Variants in ATP11B observed in about 807,000 individuals in gnomAD.
The protein encoded by ATP11B is phospholipid-transporting ATPase IF.
ATP11B carries 81 observed loss-of-function variants against 157.8 expected under a neutral mutation model. The observed-to-expected ratio is 0.51, with a 90% CI of 0.43 to 0.62. The LOEUF (loss-of-function observed/expected upper bound fraction) is 0.62. Ranked by LOEUF, ATP11B falls within the 20% of genes least tolerant of loss-of-function variation. ATP11B has a pLI of 0.00. For missense variants in ATP11B, 1,165 were observed against 1,402.2 expected, an observed-to-expected ratio of 0.83 and a Z score of 2.70; for synonymous variants, 451 against 469.4, an observed-to-expected ratio of 0.96 and a Z score of 0.51.
chr3:182,883,082 C>A (rs1722537552), intron 21 of ATP11B, among the ~76,000 whole-genome samples: 1 of 151,994 alleles, frequency 6.6e-6, no homozygotes, highest in African/African-American at 2.4e-5. Context: ...AATTGGTATA[C>A]CCTGCATTAT....
intron 4 of ATP11B, among the ~76,000 whole-genome samples, chr3:182,834,701 C>T (rs1718407039): frequency 6.6e-6 from 1 of 152,144 alleles, no homozygotes; most frequent in African/African-American, 2.4e-5. Context: ...TCAAAAGATT[C>T]TTTGTGAAAT....
chr3:182,904,113 G>A (rs6443833), intron 28 of ATP11B, among the ~76,000 whole-genome samples: 1,630 of 152,294 alleles, frequency 0.011, 33 homozygotes, highest in African/African-American at 0.037. Context: ...GGTGTAACAA[G>A]TGGGAAAGAA....
At chr3:182,917,956 GTAAATTT>G in intron 29 of ATP11B, 60 bp from the exon 30 acceptor site, 1 of 1,586,212 alleles carries the variant, frequency 6.3e-7, no homozygotes. Flanking sequence ...AAGTTTTAGA[GTAAATTT>G]TTTTCTCAAT....
intron 4 of ATP11B, among the ~76,000 whole-genome samples, chr3:182,831,762 T>C (rs1259037052): frequency 6.6e-6 from 1 of 152,202 alleles, no homozygotes; most frequent in Middle Eastern, 3.2e-3. Context: ...ATGCCACTCT[T>C]ATTTCTTAGT....
At chr3:182,853,531 T>C (rs978803743) in intron 10 of ATP11B, among the ~76,000 whole-genome samples, 2 of 152,280 alleles carry the variant, frequency 1.3e-5, no homozygotes, top group South Asian at 2.1e-4. Context: ...TAAGAAACAG[T>C]TAAGAAAATG....
In ATP11B at chr3:182,894,588, C is replaced by G. The variant is rs373965642; in HGVS notation, c.2983-2112C>G. Among the ~76,000 whole-genome samples, 100 of 152,284 alleles carry G rather than the reference C, an allele frequency of 6.6e-4. 3 individuals carry two copies. The South Asian group carries it at 0.02, about 31-fold the overall frequency. On this transcript the variant is annotated intron_variant, in intron 25 of 29. Transcript: ENST00000323116. The stretch of plus-strand genomic sequence containing the variant: ...GAATGGAAAGAGACAGCAGTCTTAA[C>G]CAGTTGATTACAGTTGAAATACATT...
intron 1 of ATP11B, among the ~76,000 whole-genome samples, chr3:182,809,072 G>A (rs1209918755): frequency 1.3e-5 from 2 of 151,582 alleles, no homozygotes; most frequent in Non-Finnish European, 2.9e-5. Flanking sequence ...AAGTTTTACC[G>A]ATCTGTGAAA....
chr3:182,809,616 G>T (rs931509076), intron 1 of ATP11B, among the ~76,000 whole-genome samples: 2 of 152,090 alleles, frequency 1.3e-5, no homozygotes, highest in Non-Finnish European at 2.9e-5. Context: ...TTGCTTGCTG[G>T]GTTCCAATAT....
intron 10 of ATP11B, 42 bp from the exon 11 acceptor site, chr3:182,857,835 AT>A: frequency 8.0e-7 from 1 of 1,247,014 alleles, no homozygotes; most frequent in South Asian, 1.4e-5. Context: ...GAATATAGTA[AT>A]ACATGAGTTG....
chr3:182,867,706 C>T (rs1276414360), intron 15 of ATP11B, among the ~76,000 whole-genome samples: 1 of 151,708 alleles, frequency 6.6e-6, no homozygotes, highest in African/African-American at 2.4e-5. Context: ...GCCTCAGCCT[C>T]CCAGGTAGCT....
At chr3:182,860,959 T>C (rs1476382211) in intron 12 of ATP11B, among the ~76,000 whole-genome samples, 2 of 152,140 alleles carry the variant, frequency 1.3e-5, no homozygotes, top group African/African-American at 4.8e-5. Context: ...TGCTATAATG[T>C]GATATATGCG....
intron 15 of ATP11B, 133 bp downstream of exon 15, chr3:182,867,577 T>TA (rs1447942831): frequency 1.8e-4 from 71 of 386,134 alleles, no homozygotes; most frequent in Middle Eastern, 1.1e-3. Context: ...CAAGTCACAT[T>TA]ACTTTTTTTT....
intron 7 of ATP11B, among the ~76,000 whole-genome samples, chr3:182,838,336 T>C (rs985856808): frequency 1.8e-4 from 28 of 152,012 alleles, no homozygotes; most frequent in African/African-American, 4.3e-4. Context: ...AAAATAATTA[T>C]TAAAAACCAG....
chr3:182,828,179 C>A lies in ATP11B; in HGVS notation c.204C>A (p.Asn68Lys). The A allele has an allele frequency of 6.7e-7, 1 of 1,494,044 alleles. No homozygotes were observed. The highest frequency in any genetic ancestry group is 2.0e-5 in the Admixed American group (1 of 49,802). 92.5% of individuals were successfully genotyped at this position (1,494,044 alleles called of 1,614,324 possible). A position where few individuals can be genotyped will look rare whatever the true frequency, so the allele number is the denominator to read the frequency against. The part of the protein sequence containing the change: ...NLFEQFRRVA[N>K]FYFLIIFLVQ... ...TTGAACAGTTCAGAAGAGTGGCAAA[C>A]TTTTATTTTCTTATTATATTTTTGG... is the stretch of plus-strand genomic sequence containing the variant. The change falls in exon 3 of 30, where the codon AAC (asparagine) becomes AAA (lysine). Residue 68 changes from asparagine (N) to lysine (K), a missense_variant. By Grantham distance (94) the Asn-to-Lys change is moderately conservative. Coordinates refer to ENST00000323116, the MANE Select transcript of ATP11B (RefSeq NM_014616.3).
intron 1 of ATP11B, among the ~76,000 whole-genome samples, chr3:182,813,938 G>A (rs1020697666): frequency 2.0e-5 from 3 of 152,100 alleles, no homozygotes; most frequent in Non-Finnish European, 4.4e-5. Flanking sequence ...TGTTGCCCAG[G>A]CTGTTCTTGA....
intron 10 of ATP11B, among the ~76,000 whole-genome samples, chr3:182,855,404 G>C (rs1720315595): frequency 6.6e-6 from 1 of 152,124 alleles, no homozygotes; most frequent in South Asian, 2.1e-4. Context: ...TTCAATTAGA[G>C]TATAGATTTA....
chr3:182,825,245 T>C (rs1717637823), intron 2 of ATP11B, among the ~76,000 whole-genome samples: 1 of 152,230 alleles, frequency 6.6e-6, no homozygotes, highest in South Asian at 2.1e-4. Context: ...AATATGACTG[T>C]CTTGTTAAAT....
intron 25 of ATP11B, among the ~76,000 whole-genome samples, chr3:182,892,414 A>G (rs1710003179): frequency 6.6e-6 from 1 of 152,196 alleles, no homozygotes; most frequent in Non-Finnish European, 1.5e-5. Flanking sequence ...TTGAGGGCCT[A>G]GAGCAGAAAA....
chr3:182,801,276 G>C (rs965020204), intron 1 of ATP11B, among the ~76,000 whole-genome samples: 1 of 152,204 alleles, frequency 6.6e-6, no homozygotes, highest in Non-Finnish European at 1.5e-5. Flanking sequence ...TTAATTGGAA[G>C]TGAAGTTCCC....
Sources: allele counts gnomAD v4.1 joint callset (sites outside exome capture counted in the v4.1 genomes callset), GRCh38; gene constraint gnomAD v4.1.1; transcripts MANE v1.5; gene names NCBI Gene and HGNC (gene_info 2026-07-23, HGNC 2026-07-21).